The following ACYP2 variants were observed in gnomAD, a reference collection of about 807,000 sequenced individuals.
ACYP2 encodes acylphosphatase 2, also known as acylphosphatase-2.
In ACYP2, 12 loss-of-function variants were observed where a neutral mutation model predicts 11.2. The ratio of observed to expected loss-of-function variants is 1.08; its 90% confidence interval spans 0.69 to 1.74. The LOEUF (loss-of-function observed/expected upper bound fraction) is 1.74. Among genes scored for constraint, ACYP2 ranks in the 40% most tolerant of loss-of-function variants. The pLI, the probability that ACYP2 is intolerant of heterozygous loss-of-function variation, is 0.00. For missense variants in ACYP2, 134 were observed against 101.9 expected (o/e 1.31, Z -1.35); for synonymous variants, 43 against 32.2 (o/e 1.33, Z -1.13).
chr2:54,265,062 G>A (rs1343961804), intron 6 of ACYP2, among the ~76,000 whole-genome samples: 2 of 152,156 alleles, frequency 1.3e-5, no homozygotes, highest in African/African-American at 4.8e-5. Flanking sequence ...CTATTTGATT[G>A]TACTATGCTT....
chr2:53,973,201 A>G (rs1671259639), intron 1 of ACYP2, among the ~76,000 whole-genome samples: 1 of 152,222 alleles, frequency 6.6e-6, no homozygotes, highest in Non-Finnish European at 1.5e-5. Context: ...TAAAGCGCAT[A>G]AGAACAGTGT....
intron 2 of ACYP2, among the ~76,000 whole-genome samples, chr2:54,025,849 G>A (rs6743455): frequency 0.46 from 70,356 of 152,044 alleles, 16,506 homozygotes; most frequent in South Asian, 0.54. Flanking sequence ...TAATCCCAGC[G>A]CTTTGGGAGG....
Position 54,257,386 on chromosome 2 carries a change from G to A in ACYP2, c.405-47302G>A, listed in dbSNP as rs569937330. Among the ~76,000 whole-genome samples, 97 of 152,280 alleles carry A rather than the reference G, an allele frequency of 6.4e-4. 1 individual carries two copies. The highest frequency in any genetic ancestry group is 2.3e-3 in the African/African-American group (95 of 41,566). ...AAGACAATTCTTTCCCCATGCATAG[G>A]TTTTTAAATGTTTCTGTCAGAAGTG... On this transcript the variant is annotated intron_variant, in intron 6 of 6. Transcript: ENST00000607452.
chr2:54,290,384 C>T lies in ACYP2; in HGVS notation c.405-14304C>T, dbSNP rs921680605. 5.3e-5 allele frequency among the ~76,000 whole-genome samples: 8 copies of T among 152,120 alleles called. 1 individual carries two copies. The highest frequency in any genetic ancestry group is 1.7e-4 in the African/African-American group (7 of 41,372). On this transcript the variant is annotated intron_variant, in intron 6 of 6. Coordinates refer to ENST00000607452, the MANE Select transcript of ACYP2 (RefSeq NM_001320586.2). ...AACTCCTTAAATAAATCTGTTCCCC[C>T]ACCCCTACCATTTCCATTATAAAAT... is the stretch of plus-strand genomic sequence containing the variant.
chr2:54,012,410 G>T (rs1213067849), intron 2 of ACYP2, among the ~76,000 whole-genome samples: 1 of 152,198 alleles, frequency 6.6e-6, no homozygotes, highest in Non-Finnish European at 1.5e-5. Flanking sequence ...CAGCTACTCA[G>T]GAGGCTGAAG....
intron 6 of ACYP2, among the ~76,000 whole-genome samples, chr2:54,139,521 C>CT (rs1317223812): frequency 1.4e-4 from 21 of 152,186 alleles, no homozygotes; most frequent in African/African-American, 4.8e-4. Flanking sequence ...TCTTTGTAGT[C>CT]TTTTTTCTTT....
At chr2:54,241,541 A>G (rs1686729304) in intron 6 of ACYP2, among the ~76,000 whole-genome samples, 1 of 152,036 alleles carries the variant, frequency 6.6e-6, no homozygotes, top group African/African-American at 2.4e-5. Flanking sequence ...TGGGAATTGC[A>G]GAAAGTTTTG....
intron 6 of ACYP2, among the ~76,000 whole-genome samples, chr2:54,242,662 T>A (rs935431597): frequency 6.6e-6 from 1 of 152,236 alleles, no homozygotes; most frequent in Admixed American, 6.5e-5. Context: ...TGTGTTACAG[T>A]TGCCTACACT....
intron 6 of ACYP2, among the ~76,000 whole-genome samples, chr2:54,232,516 C>T (rs1363675464): frequency 6.6e-6 from 1 of 152,104 alleles, no homozygotes; most frequent in East Asian, 1.9e-4. Flanking sequence ...ATCGCATGGG[C>T]ATCATGGAGC....
chr2:54,258,404 A>C (rs1039780718), intron 6 of ACYP2, among the ~76,000 whole-genome samples: 1 of 152,198 alleles, frequency 6.6e-6, no homozygotes, highest in African/African-American at 2.4e-5. Flanking sequence ...CATGTCTGGA[A>C]TGTTCAAGAA....
chr2:54,129,220 A>G (rs1483090036), intron 4 of ACYP2, among the ~76,000 whole-genome samples: 2 of 152,176 alleles, frequency 1.3e-5, no homozygotes, highest in Non-Finnish European at 2.9e-5. Context: ...TTTATCATTC[A>G]GAATTTTAAT....
intron 6 of ACYP2, chr2:54,267,347 C>G (rs1012944382): frequency 1.9e-5 from 29 of 1,548,104 alleles, no homozygotes; most frequent in Non-Finnish European, 2.4e-5. Flanking sequence ...GATAGGGCAA[C>G]AGCTAGAGGA....
chr2:54,038,253 C>G (rs1226671270), intron 2 of ACYP2, among the ~76,000 whole-genome samples: 4 of 152,178 alleles, frequency 2.6e-5, no homozygotes, highest in South Asian at 2.1e-4. Context: ...CCTCATTCTC[C>G]AAGATTCACA....
intron 4 of ACYP2, among the ~76,000 whole-genome samples, chr2:54,086,693 G>A (rs955588265): frequency 2.6e-5 from 4 of 152,194 alleles, no homozygotes; most frequent in Non-Finnish European, 5.9e-5. Flanking sequence ...GTGTGCACGC[G>A]CGCGCTAGTG....
intron 6 of ACYP2, among the ~76,000 whole-genome samples, chr2:54,263,669 G>A (rs1225527740): frequency 1.3e-5 from 2 of 152,170 alleles, no homozygotes; most frequent in Non-Finnish European, 2.9e-5. Flanking sequence ...CTTTCCTTTG[G>A]AGGAGTATAG....
At chr2:54,089,007 T>C (rs1432445820) in intron 4 of ACYP2, among the ~76,000 whole-genome samples, 1 of 152,180 alleles carries the variant, frequency 6.6e-6, no homozygotes, top group African/African-American at 2.4e-5. Context: ...AAAGATAAGA[T>C]AGTAGGAAAG....
In ACYP2 at chr2:54,144,673, CA is replaced by C. The variant is rs60045228; in HGVS notation, c.404+5943del. 6.0e-3 allele frequency among the ~76,000 whole-genome samples: 680 copies of C among 113,196 alleles called. 1 individual carries two copies. The highest frequency in any genetic ancestry group is 8.1e-3 in the African/African-American group (240 of 29,646). 74.3% of individuals were successfully genotyped at this position (113,196 alleles called of 152,430 possible). ...TGGGCTCCAGAGCAAGACTCTGTCT[CA>C]AAAAAAAAAAAAAAAAATCTCTTTT... is the stretch of plus-strand genomic sequence containing the variant. On this transcript the variant is annotated intron_variant, in intron 6 of 6. Transcript: ENST00000607452.
intron 4 of ACYP2, among the ~76,000 whole-genome samples, chr2:54,086,992 C>A (rs967519690): frequency 2.0e-5 from 3 of 152,214 alleles, no homozygotes; most frequent in Non-Finnish European, 4.4e-5. Context: ...CTACAGGCAA[C>A]TAGTAGAGCT....
chr2:54,191,892 C>T (rs1438289468), intron 6 of ACYP2, among the ~76,000 whole-genome samples: 1 of 152,112 alleles, frequency 6.6e-6, no homozygotes, highest in Non-Finnish European at 1.5e-5. Context: ...GACAGGTTTG[C>T]CTATTATCTG....
Sources: allele counts gnomAD v4.1 joint callset (sites outside exome capture counted in the v4.1 genomes callset), GRCh38; gene constraint gnomAD v4.1.1; transcripts MANE v1.5; gene names NCBI Gene and HGNC (gene_info 2026-07-23, HGNC 2026-07-21).